The following TMEM236 variants were observed in gnomAD, a reference collection of about 807,000 sequenced individuals.
TMEM236 encodes the protein family with sequence similarity 23, member A.
A neutral mutation model predicts 14.7 loss-of-function variants in TMEM236; 11 were observed. The ratio of observed to expected loss-of-function variants is 0.75; its 90% CI spans 0.47 to 1.24. The LOEUF (loss-of-function observed/expected upper bound fraction) is 1.24. TMEM236 is among the 50% of genes most tolerant of loss of function. The pLI is 0.00. For missense variants in TMEM236, 464 were observed against 427.3 expected (o/e 1.09, Z -0.76); for synonymous variants, 182 against 168.6 (o/e 1.08, Z -0.62).
intron 3 of TMEM236, among the ~76,000 whole-genome samples, chr10:17,792,162 A>G (rs1837935870): frequency 6.6e-6 from 1 of 152,148 alleles, no homozygotes; most frequent in Non-Finnish European, 1.5e-5. Flanking sequence ...ATCTCGGCTC[A>G]CTGCAACCTC....
Position 17,762,602 on chromosome 10 carries a change from T to C in TMEM236, c.258-8707T>C, listed in dbSNP as rs1455899769. ...ATATATATATATATATATATATATA[T>C]ATATATATATATATATACACACATA... is the stretch of plus-strand genomic sequence containing the variant. On this transcript the variant is annotated intron_variant, in intron 1 of 3. Coordinates refer to ENST00000377495, the MANE Select transcript of TMEM236 (RefSeq NM_001098844.3). Among the ~76,000 whole-genome samples, 6 of 80,730 alleles carry C rather than the reference T, an allele frequency of 7.4e-5. No individual in the cohort carries two copies. In the East Asian group the frequency reaches 2.7e-3, roughly 36 times the overall value. 53.0% of individuals were successfully genotyped at this position (80,730 alleles called of 152,430 possible).
chr10:17,778,205 C>T (rs938209030), intron 3 of TMEM236, among the ~76,000 whole-genome samples: 8,247 of 152,176 alleles, frequency 0.054, 306 homozygotes, highest in Non-Finnish European at 0.081. Flanking sequence ...AGCTGTTCTC[C>T]GTCCAAATTT....
Position 17,764,938 on chromosome 10 carries a change from C to T in TMEM236, c.258-6371C>T, listed in dbSNP as rs1837437972. On this transcript the variant is annotated intron_variant, in intron 1 of 3. Transcript: ENST00000377495. ...ACCTCTGCCTCCCAGATTCAAGCCT[C>T]AGCCTCCCGGGTAGCTGGGACTACA... 2.0e-5 allele frequency among the ~76,000 whole-genome samples: 3 copies of T among 148,360 alleles called. No homozygotes were observed. In the South Asian group the frequency reaches 6.5e-4, roughly 32 times the overall value.
intron 2 of TMEM236, among the ~76,000 whole-genome samples, chr10:17,773,873 AC>A (rs1837614671): frequency 2.0e-5 from 3 of 152,222 alleles, no homozygotes; most frequent in Admixed American, 1.3e-4. Flanking sequence ...TTGTCTTCAC[AC>A]TTTTATATCT....
Position 17,800,667 on chromosome 10 carries a change from G to T in TMEM236, c.*4163G>T, listed in dbSNP as rs1019074889. The T allele has an allele frequency of 6.6e-6, 1 of 152,076 alleles. No homozygotes were observed. Among genetic ancestry groups the T allele is most frequent in the Non-Finnish European group, 1.5e-5 (1 of 68,032 alleles). The allele number at this position is 152,076 out of a possible 1,614,324, so 9.4% of individuals were successfully genotyped here. A position where few individuals can be genotyped will look rare whatever the true frequency, so the allele number is the denominator to read the frequency against. On this transcript the variant is annotated 3_prime_UTR_variant, in exon 4 of 4. Transcript: ENST00000377495. Reference sequence around the variant, plus strand: ...GCCTTGTGCTGTGTACCTTGGAGCAGGGCCTTACATAGTGAATATATCAAT... The same window carrying T: ...GCCTTGTGCTGTGTACCTTGGAGCATGGCCTTACATAGTGAATATATCAAT...
At chr10:17,770,339 A>G (rs1837548688) in intron 1 of TMEM236, among the ~76,000 whole-genome samples, 2 of 152,184 alleles carry the variant, frequency 1.3e-5, no homozygotes, top group Admixed American at 6.6e-5. Flanking sequence ...TGTCCCATAA[A>G]TTAAGGATGC....
intron 3 of TMEM236, among the ~76,000 whole-genome samples, chr10:17,777,279 A>T (rs1837673767): frequency 6.6e-6 from 1 of 152,148 alleles, no homozygotes; most frequent in South Asian, 2.1e-4. Context: ...CTAACATAAC[A>T]CAGGTGACAT....
chr10:17,753,243 ATTTG>A (rs1336199335), intron 1 of TMEM236, among the ~76,000 whole-genome samples: 1 of 152,036 alleles, frequency 6.6e-6, no homozygotes, highest in Non-Finnish European at 1.5e-5. Flanking sequence ...TCAAAGATAT[ATTTG>A]TTTGTTTGTC....
chr10:17,752,648 C>G, intron 1 of TMEM236, 96 bp downstream of exon 1: 1 of 1,232,266 alleles, frequency 8.1e-7, no homozygotes, highest in Non-Finnish European at 1.2e-6. Flanking sequence ...CTCACTGCAA[C>G]GTCCGCCTCC....
chr10:17,789,416 GCTA>G (rs1837886986), intron 3 of TMEM236, among the ~76,000 whole-genome samples: 1 of 152,070 alleles, frequency 6.6e-6, no homozygotes. Flanking sequence ...TTTCACTATT[GCTA>G]CTTTTTATTT....
intron 2 of TMEM236, among the ~76,000 whole-genome samples, chr10:17,774,999 C>T (rs1362010810): frequency 1.3e-5 from 2 of 151,958 alleles, no homozygotes; most frequent in African/African-American, 4.8e-5. Context: ...TGGGGTTTCA[C>T]CAAGTTGGCC....
At chr10:17,776,228 T>C (rs1837657244) in intron 3 of TMEM236, 58 bp downstream of exon 3, 1 of 1,500,614 alleles carries the variant, frequency 6.7e-7, no homozygotes, top group Non-Finnish European at 9.3e-7. Flanking sequence ...TTCACATTTC[T>C]GCCACTGTGT....
chr10:17,761,531 A>G lies in TMEM236; in HGVS notation c.257+8979A>G, dbSNP rs945649526. ...AACATGGTGGAACCCCATCTCTACT[A>G]AAAAATACAAAAGTTAGCTGGGTGT... On this transcript the variant is annotated intron_variant, in intron 1 of 3. Transcript: ENST00000377495. Among the ~76,000 whole-genome samples the G allele has an allele frequency of 3.3e-5, 5 of 151,940 alleles. No individual in the cohort carries two copies. In the South Asian group the frequency reaches 8.3e-4, roughly 25 times the overall value.
At chr10:17,759,982 CAAAAAAAA>C (rs35596189) in intron 1 of TMEM236, among the ~76,000 whole-genome samples, 3,233 of 54,662 alleles carry the variant, frequency 0.059, 120 homozygotes, top group East Asian at 0.33. Flanking sequence ...GACTCCGTCT[CAAAAAAAA>C]AAAAAAAAAA....
intron 3 of TMEM236, among the ~76,000 whole-genome samples, chr10:17,787,028 A>G (rs932643581): frequency 6.6e-6 from 1 of 152,230 alleles, no homozygotes; most frequent in Non-Finnish European, 1.5e-5. Context: ...AGACCTCCCC[A>G]GCCATGTGGA....
chr10:17,791,223 T>A (rs1589153148), intron 3 of TMEM236, among the ~76,000 whole-genome samples: 4 of 151,222 alleles, frequency 2.6e-5, no homozygotes, highest in Admixed American at 2.6e-4. Flanking sequence ...GGCAGGAGGA[T>A]CACTTGGGTC....
At chr10:17,767,185 G>T (rs576233121) in intron 1 of TMEM236, among the ~76,000 whole-genome samples, 8 of 152,216 alleles carry the variant, frequency 5.3e-5, no homozygotes, top group Middle Eastern at 3.4e-3. Context: ...ATATCCAGCC[G>T]GGCATGGTGG....
chr10:17,776,447 G>C (rs1837659964), intron 3 of TMEM236, among the ~76,000 whole-genome samples: 1 of 152,166 alleles, frequency 6.6e-6, no homozygotes, highest in Non-Finnish European at 1.5e-5. Flanking sequence ...ATTCCAGCAA[G>C]AAATTATCCA....
chr10:17,764,525 G>A (rs1837429364), intron 1 of TMEM236, among the ~76,000 whole-genome samples: 1 of 152,068 alleles, frequency 6.6e-6, no homozygotes. Context: ...GTACTTCCTA[G>A]GACTGCTATA....
Sources: allele counts gnomAD v4.1 joint callset (sites outside exome capture counted in the v4.1 genomes callset), GRCh38; gene constraint gnomAD v4.1.1; transcripts MANE v1.5; gene names NCBI Gene and HGNC (gene_info 2026-07-23, HGNC 2026-07-21).